ZNF804A: variants seen among roughly 807,000 people sequenced by gnomAD.
ZNF804A encodes the protein zinc finger protein 804A.
In ZNF804A, 2 loss-of-function variants were observed where a neutral mutation model predicts 16.5. The observed-to-expected ratio is 0.12, with a 90% confidence interval of 0.05 to 0.38. ZNF804A has a LOEUF of 0.38. ZNF804A is among the 10% of genes least tolerant of loss of function. The probability of loss-of-function intolerance (pLI) is 0.99; values close to 1 mark genes in which losing one functional copy is unlikely to be tolerated. For missense variants in ZNF804A, 1,473 were observed against 1,390.7 expected, an observed-to-expected ratio of 1.06 and a Z score of -0.94; for synonymous variants, 534 against 489.6, an observed-to-expected ratio of 1.09 and a Z score of -1.20.
intron 2 of ZNF804A, among the ~76,000 whole-genome samples, chr2:184,890,454 T>G (rs749845016): frequency 1.0e-3 from 157 of 152,118 alleles, no homozygotes; most frequent in Non-Finnish European, 1.8e-3. Flanking sequence ...GAGTTCAGTT[T>G]CTGTTTCTTA....
intron 1 of ZNF804A, among the ~76,000 whole-genome samples, chr2:184,688,703 G>A (rs1157270986): frequency 6.6e-6 from 1 of 151,896 alleles, no homozygotes; most frequent in Non-Finnish European, 1.5e-5. Flanking sequence ...AATGAGAAAA[G>A]TATTATGAAC....
chr2:184,886,604 T>C (rs1684895604), intron 2 of ZNF804A, among the ~76,000 whole-genome samples: 1 of 152,246 alleles, frequency 6.6e-6, no homozygotes, highest in African/African-American at 2.4e-5. Flanking sequence ...GGCATTTCCA[T>C]ACATCTTCTG....
chr2:184,735,166 T>G (rs1208784669), intron 1 of ZNF804A, among the ~76,000 whole-genome samples: 1 of 152,072 alleles, frequency 6.6e-6, no homozygotes, highest in Non-Finnish European at 1.5e-5. Flanking sequence ...AAAATGATTA[T>G]CTATATAGTT....
intron 2 of ZNF804A, among the ~76,000 whole-genome samples, chr2:184,920,951 G>A (rs1685520201): frequency 1.3e-5 from 2 of 152,184 alleles, no homozygotes; most frequent in Admixed American, 1.3e-4. Flanking sequence ...TGGAATAAAT[G>A]TGGGCTAAGC....
intron 1 of ZNF804A, among the ~76,000 whole-genome samples, chr2:184,708,307 T>C (rs938420283): frequency 1.3e-5 from 2 of 152,200 alleles, no homozygotes; most frequent in South Asian, 2.1e-4. Flanking sequence ...TTGCCATTAC[T>C]TTTTAGGACA....
At chr2:184,729,618 C>CA (rs1022428572) in intron 1 of ZNF804A, among the ~76,000 whole-genome samples, 1 of 151,814 alleles carries the variant, frequency 6.6e-6, no homozygotes, top group Non-Finnish European at 1.5e-5. Context: ...GCAAAGTGAA[C>CA]AAAAAAATAG....
intron 1 of ZNF804A, among the ~76,000 whole-genome samples, chr2:184,722,150 C>T (rs1184127066): frequency 6.6e-6 from 1 of 151,852 alleles, no homozygotes; most frequent in Non-Finnish European, 1.5e-5. Flanking sequence ...GTAAAAAAAG[C>T]TTATGTAAAA....
intron 2 of ZNF804A, among the ~76,000 whole-genome samples, chr2:184,887,801 C>G (rs1194554145): frequency 6.6e-6 from 1 of 152,118 alleles, no homozygotes; most frequent in African/African-American, 2.4e-5. Context: ...AGATACAATT[C>G]AAGTTGGGAT....
At chr2:184,695,279 G>T (rs1692812441) in intron 1 of ZNF804A, among the ~76,000 whole-genome samples, 1 of 151,710 alleles carries the variant, frequency 6.6e-6, no homozygotes, top group Non-Finnish European at 1.5e-5. Flanking sequence ...GGCTAATACG[G>T]TGAAACCCCG....
In ZNF804A at chr2:184,755,563, T is replaced by C. The variant is rs189915861; in HGVS notation, c.112-110806T>C. Among the ~76,000 whole-genome samples, 233 of 152,128 alleles carry C rather than the reference T, an allele frequency of 1.5e-3. 2 individuals carry two copies. Among genetic ancestry groups the C allele is most frequent in the Non-Finnish European group, 2.9e-3 (195 of 67,962 alleles). ...TTTCCTCCTAGAATTTAATTGTGAG[T>C]TTTAGAACGCAATAAAAATGGATTC... On this transcript the variant is annotated intron_variant, in intron 1 of 3. Coordinates refer to ENST00000302277, the MANE Select transcript of ZNF804A (RefSeq NM_194250.2).
intron 1 of ZNF804A, among the ~76,000 whole-genome samples, chr2:184,641,749 C>T (rs1032260543): frequency 2.0e-5 from 3 of 152,018 alleles, no homozygotes; most frequent in African/African-American, 7.2e-5. Context: ...TTTTATAGTG[C>T]TTTGAGTAAG....
intron 1 of ZNF804A, among the ~76,000 whole-genome samples, chr2:184,845,115 G>T (rs1695492963): frequency 6.6e-6 from 1 of 151,814 alleles, no homozygotes; most frequent in African/African-American, 2.4e-5. Context: ...TTCTTGCATT[G>T]TGTCTACTTT....
intron 1 of ZNF804A, among the ~76,000 whole-genome samples, chr2:184,830,356 A>C (rs1424142812): frequency 6.6e-6 from 1 of 152,132 alleles, no homozygotes; most frequent in Non-Finnish European, 1.5e-5. Flanking sequence ...ATTATCAATT[A>C]ATTGTTTACC....
intron 1 of ZNF804A, among the ~76,000 whole-genome samples, chr2:184,710,618 T>C (rs1247989921): frequency 4.0e-5 from 6 of 151,778 alleles, no homozygotes; most frequent in Non-Finnish European, 8.9e-5. Context: ...CTAGAACTTA[T>C]TCATCTTGTA....
At chr2:184,799,990 AT>A (rs970976106) in intron 1 of ZNF804A, among the ~76,000 whole-genome samples, 4 of 150,988 alleles carry the variant, frequency 2.6e-5, no homozygotes, top group African/African-American at 4.9e-5. Flanking sequence ...TATATGATCT[AT>A]TTTTTTTCTT....
chr2:184,731,937 G>C (rs569301850), intron 1 of ZNF804A, among the ~76,000 whole-genome samples: 2 of 151,918 alleles, frequency 1.3e-5, no homozygotes, highest in Non-Finnish European at 2.9e-5. Flanking sequence ...ATGTTTCTTT[G>C]TATATTTTGA....
intron 1 of ZNF804A, among the ~76,000 whole-genome samples, chr2:184,632,768 T>A (rs1691634383): frequency 6.6e-6 from 1 of 152,196 alleles, no homozygotes; most frequent in African/African-American, 2.4e-5. Context: ...TCTTATTTTG[T>A]TGGGGTAGAA....
intron 1 of ZNF804A, among the ~76,000 whole-genome samples, chr2:184,769,578 T>C (rs1694181435): frequency 1.3e-5 from 2 of 152,054 alleles, no homozygotes; most frequent in Admixed American, 6.6e-5. Context: ...TCTGCTATAT[T>C]TAGTGTCTAC....
chr2:184,812,718 A>G (rs989130641), intron 1 of ZNF804A, among the ~76,000 whole-genome samples: 7 of 152,144 alleles, frequency 4.6e-5, no homozygotes, highest in Admixed American at 3.3e-4. Flanking sequence ...AAAAAGAGCT[A>G]AAACATGATG....
Sources: allele counts gnomAD v4.1 joint callset (sites outside exome capture counted in the v4.1 genomes callset), GRCh38; gene constraint gnomAD v4.1.1; transcripts MANE v1.5; gene names NCBI Gene and HGNC (gene_info 2026-07-23, HGNC 2026-07-21).